Variants in SSBP3 observed in about 807,000 individuals in gnomAD.
The protein encoded by SSBP3 is single stranded DNA binding protein 3.
Under a neutral mutation model 69.6 loss-of-function variants are expected in SSBP3, and 5 were observed. The ratio of observed to expected loss-of-function variants is 0.07; its 90% CI spans 0.04 to 0.15. The LOEUF is 0.15. Among genes scored for constraint, SSBP3 ranks in the 10% least tolerant of loss-of-function variants. SSBP3 has a pLI of 1.00. For missense variants in SSBP3, 312 were observed against 534.0 expected, an observed-to-expected ratio of 0.58 and a Z score of 4.10; for synonymous variants, 196 against 193.4, an observed-to-expected ratio of 1.01 and a Z score of -0.11.
chr1:54,412,689 A>T (rs1431819943), intron 1 of SSBP3: 1 of 152,196 alleles, frequency 6.6e-6, no homozygotes, highest in Non-Finnish European at 1.5e-5. Flanking sequence ...AAGAGTTACA[A>T]TGGTAAATTT....
chr1:54,331,346 C>T (rs1309666350), intron 4 of SSBP3, among the ~76,000 whole-genome samples: 1 of 152,170 alleles, frequency 6.6e-6, no homozygotes, highest in Non-Finnish European at 1.5e-5. Context: ...AAAAGCTCGC[C>T]CTTCACGTCC....
At chr1:54,307,570 G>C (rs2100241377) in intron 4 of SSBP3, among the ~76,000 whole-genome samples, 1 of 152,338 alleles carries the variant, frequency 6.6e-6, no homozygotes, top group African/African-American at 2.4e-5. Flanking sequence ...ATCTTGAAAA[G>C]GAGCTGGGTA....
rs1644835468 is a variant in SSBP3 at position 54,251,803 on chromosome 1, G to C, written c.565C>G (p.Arg189Gly). 6.2e-7 allele frequency: 1 copy of C among 1,611,680 alleles called. No individual in the cohort carries two copies. Among genetic ancestry groups the C allele is most frequent in the Non-Finnish European group, 8.5e-7 (1 of 1,179,706 alleles). ...ACCCTGCCCTCTCTACCTTGTTGTC[G>C]TGTGGGATCCATAGAATTGGGCAGC... The change falls in exon 8 of 18, where the codon CGA becomes GGA. Residue 189 changes from arginine to glycine, a missense_variant. Coordinates refer to ENST00000610401, the Ensembl canonical transcript of SSBP3.
intron 14 of SSBP3, among the ~76,000 whole-genome samples, chr1:54,234,166 G>T (rs985188981): frequency 1.3e-5 from 2 of 150,890 alleles, no homozygotes; most frequent in Non-Finnish European, 3.0e-5. Flanking sequence ...GTTAAGAGTC[G>T]TCACCACTCC....
chr1:54,269,856 C>T (rs1645163503), intron 5 of SSBP3, among the ~76,000 whole-genome samples: 1 of 152,172 alleles, frequency 6.6e-6, no homozygotes. Flanking sequence ...AATGAAGGGG[C>T]ACCACTGGTA....
chr1:54,243,190 G>A, intron 10 of SSBP3, 45 bp downstream of exon 10: 5 of 1,583,070 alleles, frequency 3.2e-6, no homozygotes, highest in South Asian at 2.2e-5. Context: ...GAGGGTGGGG[G>A]AAGACCTGGA....
intron 7 of SSBP3, among the ~76,000 whole-genome samples, chr1:54,254,403 C>T (rs536941253): frequency 8.5e-5 from 13 of 152,322 alleles, no homozygotes; most frequent in South Asian, 6.2e-4. Flanking sequence ...CTCCTAAACC[C>T]GGCTGAACTC....
At chr1:54,402,205 T>C (rs148847116) in intron 3 of SSBP3, among the ~76,000 whole-genome samples, 29 of 152,346 alleles carry the variant, frequency 1.9e-4, no homozygotes, top group African/African-American at 6.0e-4. Flanking sequence ...GTATTACTTG[T>C]GTCTACCATA....
chr1:54,241,031 C>G (rs945628904), intron 12 of SSBP3, 72 bp from the exon 13 acceptor site: 7 of 1,517,330 alleles, frequency 4.6e-6, no homozygotes, highest in Non-Finnish European at 6.3e-6. Flanking sequence ...GGCATCCTCC[C>G]TCCCTGGTCA....
intron 4 of SSBP3, among the ~76,000 whole-genome samples, chr1:54,368,304 A>G (rs534367265): frequency 8.6e-4 from 131 of 151,858 alleles, no homozygotes; most frequent in Non-Finnish European, 1.2e-3. Flanking sequence ...AAAAAAAAAA[A>G]AAAAGAAAAC....
chr1:54,305,807 G>A (rs529185211), intron 4 of SSBP3, among the ~76,000 whole-genome samples: 3 of 149,560 alleles, frequency 2.0e-5, no homozygotes, highest in South Asian at 2.2e-4. Flanking sequence ...AGAAACTCTC[G>A]CTTGGATTTG....
chr1:54,373,732 A>G (rs1314494978), intron 4 of SSBP3, among the ~76,000 whole-genome samples: 1 of 149,986 alleles, frequency 6.7e-6, no homozygotes, highest in Non-Finnish European at 1.5e-5. Flanking sequence ...GCACCACTGC[A>G]CTCCAGCCTG....
Position 54,391,535 on chromosome 1 carries a change from T to TC in SSBP3, c.276+10325dup, listed in dbSNP as rs747318904. On this transcript the variant is annotated intron_variant, in intron 4 of 17. Coordinates refer to ENST00000610401, the Ensembl canonical transcript of SSBP3. The stretch of plus-strand genomic sequence containing the variant: ...ATCCCAGAATGTGGGAGAGGCCTGC[T>TC]CCCCCCTCTCCACTGCCTCCTCTCT... Among the ~76,000 whole-genome samples the TC allele has an allele frequency of 2.6e-5, 4 of 152,058 alleles. No individual in the cohort carries two copies. In the East Asian group the frequency reaches 5.8e-4, roughly 22 times the overall value.
intron 4 of SSBP3, among the ~76,000 whole-genome samples, chr1:54,389,488 C>G (rs76735184): frequency 0.02 from 3,096 of 152,146 alleles, 54 homozygotes; most frequent in African/African-American, 0.045. Flanking sequence ...TCCGTCAGGA[C>G]CCACCTGGTC....
intron 4 of SSBP3, among the ~76,000 whole-genome samples, chr1:54,315,657 T>A (rs925702229): frequency 1.3e-5 from 2 of 151,148 alleles, no homozygotes; most frequent in Admixed American, 6.6e-5. Context: ...AGTAGTGTGA[T>A]CTCTGTCTTT....
intron 4 of SSBP3, among the ~76,000 whole-genome samples, chr1:54,369,315 G>A (rs1415970935): frequency 6.9e-6 from 1 of 145,514 alleles, no homozygotes; most frequent in Non-Finnish European, 1.5e-5. Flanking sequence ...ACGGGGGTGG[G>A]GGGGCACAAA....
At chr1:54,346,984 A>T (rs1646701057) in intron 4 of SSBP3, among the ~76,000 whole-genome samples, 1 of 151,808 alleles carries the variant, frequency 6.6e-6, no homozygotes, top group South Asian at 2.1e-4. Context: ...ACATTTTAAA[A>T]TTTTTTTCAG....
intron 4 of SSBP3, among the ~76,000 whole-genome samples, chr1:54,308,008 G>C (rs908315797): frequency 1.3e-5 from 2 of 152,042 alleles, no homozygotes; most frequent in African/African-American, 2.4e-5. Flanking sequence ...ATTCTTTCTT[G>C]TGCGAGATCC....
chr1:54,380,912 G>A (rs1160824411), intron 4 of SSBP3, among the ~76,000 whole-genome samples: 1 of 151,734 alleles, frequency 6.6e-6, no homozygotes, highest in Non-Finnish European at 1.5e-5. Flanking sequence ...CTTAAGGCCG[G>A]AAGTTTGAGA....
Sources: allele counts gnomAD v4.1 joint callset (sites outside exome capture counted in the v4.1 genomes callset), GRCh38; gene constraint gnomAD v4.1.1; transcripts MANE v1.5; gene names NCBI Gene and HGNC (gene_info 2026-07-23, HGNC 2026-07-21).